RPTOR: variants seen among roughly 807,000 people sequenced by gnomAD.
The protein encoded by RPTOR is regulatory associated protein of MTOR complex 1, also known as regulatory-associated protein of mTOR.
Under a neutral mutation model 169.9 loss-of-function variants are expected in RPTOR, and 21 were observed. The ratio of observed to expected loss-of-function variants is 0.12; its 90% CI spans 0.09 to 0.18. RPTOR has a LOEUF of 0.18. Ranked by LOEUF, RPTOR falls within the 10% of genes least tolerant of loss-of-function variation. The probability of loss-of-function intolerance (pLI) is 1.00; values close to 1 mark genes in which losing one functional copy is unlikely to be tolerated. For synonymous variants in RPTOR, 732 were observed against 753.2 expected (o/e 0.97, Z 0.46); for missense variants, 1,133 against 1,855.9 (o/e 0.61, Z 7.16).
intron 9 of RPTOR, among the ~76,000 whole-genome samples, chr17:80,831,150 G>T (rs971171327): frequency 1.3e-5 from 2 of 152,226 alleles, no homozygotes; most frequent in African/African-American, 4.8e-5. Context: ...CAATTAAGGT[G>T]CTTAGGAGGG....
chr17:80,725,387 G>T (rs2066323153), intron 4 of RPTOR, among the ~76,000 whole-genome samples: 1 of 152,238 alleles, frequency 6.6e-6, no homozygotes, highest in African/African-American at 2.4e-5. Context: ...CCTTGAATAT[G>T]ATTCTTGGAG....
chr17:80,757,584 T>A (rs1252175069), intron 6 of RPTOR, among the ~76,000 whole-genome samples: 1 of 152,206 alleles, frequency 6.6e-6, no homozygotes, highest in Non-Finnish European at 1.5e-5. Flanking sequence ...AAATGACAAT[T>A]TTTTGTATTC....
intron 1 of RPTOR, among the ~76,000 whole-genome samples, chr17:80,623,840 T>C (rs1460835659): frequency 2.0e-5 from 3 of 152,202 alleles, no homozygotes. Context: ...CCAGCCTATC[T>C]TTTCTTTATG....
At chr17:80,935,902 G>A (rs903478481) in intron 24 of RPTOR, among the ~76,000 whole-genome samples, 2 of 152,156 alleles carry the variant, frequency 1.3e-5, no homozygotes, top group Non-Finnish European at 2.9e-5. Flanking sequence ...GCTTTTTAAA[G>A]ACAGTTAAGA....
chr17:80,792,600 C>CAGTGCA (rs1218424474), intron 7 of RPTOR, among the ~76,000 whole-genome samples: 1 of 152,122 alleles, frequency 6.6e-6, no homozygotes, highest in African/African-American at 2.4e-5. Context: ...GCTTTCCAAA[C>CAGTGCA]AGTGCAAGCT....
Position 80,651,267 on chromosome 17 carries a change from G to C in RPTOR, c.348+7457G>C. 6.6e-6 allele frequency among the ~76,000 whole-genome samples: 1 copy of C among 152,174 alleles called. No individual in the cohort carries two copies. The highest frequency in any genetic ancestry group is 1.9e-4 in the East Asian group (1 of 5,188). On this transcript the variant is annotated intron_variant, in intron 3 of 33. Coordinates refer to ENST00000306801, the MANE Select transcript of RPTOR (RefSeq NM_020761.3). The surrounding 1 kb of genome is among the most constrained non-coding windows in gnomAD (Gnocchi z 4.1). ...AAGCTAAATTTGGAGGTGACGATGAGGAACCCACCGTATGCTCGCCATATG... is the reference window on the plus strand; with the variant it reads ...AAGCTAAATTTGGAGGTGACGATGACGAACCCACCGTATGCTCGCCATATG...
intron 4 of RPTOR, among the ~76,000 whole-genome samples, chr17:80,715,157 G>GT (rs1004685648): frequency 2.0e-5 from 3 of 151,930 alleles, no homozygotes; most frequent in African/African-American, 4.8e-5. Flanking sequence ...GCTAAAATGT[G>GT]TTTTTTTTGA....
chr17:80,759,457 C>CA (rs1349882874), intron 6 of RPTOR, among the ~76,000 whole-genome samples: 2 of 152,110 alleles, frequency 1.3e-5, no homozygotes, highest in African/African-American at 4.8e-5. Flanking sequence ...CAGTGGCAGA[C>CA]AGTGGTCATC....
chr17:80,639,583 G>T (rs370042019), intron 2 of RPTOR, among the ~76,000 whole-genome samples: 2 of 152,158 alleles, frequency 1.3e-5, no homozygotes, highest in African/African-American at 4.8e-5. Flanking sequence ...CACACAGCCC[G>T]CACTGTGGGC....
intron 1 of RPTOR, among the ~76,000 whole-genome samples, chr17:80,596,083 T>C (rs2065142579): frequency 6.6e-6 from 1 of 152,240 alleles, no homozygotes; most frequent in Non-Finnish European, 1.5e-5. Context: ...TGTGAAGAAA[T>C]GCACGTTGGA....
Position 80,905,595 on chromosome 17 carries a change from CAAA to C in RPTOR, c.2402-3201_2402-3199del, listed in dbSNP as rs57583520. Among the ~76,000 whole-genome samples, 13 of 89,534 alleles carry C rather than the reference CAAA, an allele frequency of 1.5e-4. No homozygotes were observed. In the South Asian group the frequency reaches 3.6e-3, roughly 24 times the overall value. 58.7% of individuals were successfully genotyped at this position (89,534 alleles called of 152,430 possible). On this transcript the variant is annotated intron_variant, in intron 20 of 33. Coordinates refer to ENST00000306801, the MANE Select transcript of RPTOR (RefSeq NM_020761.3). ...TGGGCGACAGAGCGAGACTCTGTCT[CAAA>C]AAAAAAAAAAAAAAGTTAGATGAAA... is the stretch of plus-strand genomic sequence containing the variant.
At chr17:80,893,669 C>G in intron 19 of RPTOR, 38 bp from the exon 20 acceptor site, 4 of 1,585,598 alleles carry the variant, frequency 2.5e-6, no homozygotes, top group Non-Finnish European at 1.7e-6. Context: ...AAGGAGGGTC[C>G]CGGGAGCACC....
At chr17:80,566,823 C>CAAAAAAAAAAAAAA (rs56295360) in intron 1 of RPTOR, among the ~76,000 whole-genome samples, 3 of 83,982 alleles carry the variant, frequency 3.6e-5, no homozygotes, top group African/African-American at 1.5e-4. Context: ...GACTCCGTCT[C>CAAAAAAAAAAAAAA]AAAAAAAAAA....
intron 6 of RPTOR, among the ~76,000 whole-genome samples, chr17:80,761,348 A>G (rs2066734657): frequency 6.6e-6 from 1 of 152,238 alleles, no homozygotes; most frequent in Non-Finnish European, 1.5e-5. Flanking sequence ...GATTGAATAG[A>G]GGTCAAAAAA....
At chr17:80,799,127 T>C (rs910227107) in intron 7 of RPTOR, among the ~76,000 whole-genome samples, 1 of 152,242 alleles carries the variant, frequency 6.6e-6, no homozygotes, top group Non-Finnish European at 1.5e-5. Flanking sequence ...CTGCCTTCGT[T>C]AAATGAACTG....
chr17:80,573,757 G>A (rs1342449055), intron 1 of RPTOR, among the ~76,000 whole-genome samples: 2 of 152,138 alleles, frequency 1.3e-5, no homozygotes, highest in South Asian at 2.1e-4. Context: ...GGAGCCAGCC[G>A]TGGTTTCATG....
chr17:80,607,995 A>G (rs1224513011), intron 1 of RPTOR, among the ~76,000 whole-genome samples: 1 of 152,220 alleles, frequency 6.6e-6, no homozygotes, highest in Non-Finnish European at 1.5e-5. Flanking sequence ...AATGAACACA[A>G]TTAATTTAAT....
intron 19 of RPTOR, 92 bp from the exon 20 acceptor site, chr17:80,893,615 G>C: frequency 1.4e-6 from 2 of 1,479,590 alleles, no homozygotes; most frequent in East Asian, 2.4e-5. Context: ...GCTTTATTTA[G>C]AAGAAAATAT....
chr17:80,753,378 T>TA (rs34178751), intron 5 of RPTOR, among the ~76,000 whole-genome samples: 64,409 of 151,860 alleles, frequency 0.42, 14,339 homozygotes, highest in Non-Finnish European at 0.49. Flanking sequence ...CTCACGCCTG[T>TA]AATCCCAGCA....
Sources: allele counts gnomAD v4.1 joint callset (sites outside exome capture counted in the v4.1 genomes callset), GRCh38; gene constraint gnomAD v4.1.1; non-coding constraint Gnocchi (gnomAD v3.1); transcripts MANE v1.5; gene names NCBI Gene and HGNC (gene_info 2026-07-23, HGNC 2026-07-21).